PSD3: variants seen among roughly 807,000 people sequenced by gnomAD.
The protein encoded by PSD3 is PH and SEC7 domain-containing protein 3.
PSD3 carries 49 observed loss-of-function variants against 105.5 expected under a neutral mutation model. That is an observed-to-expected ratio of 0.46 (90% CI 0.37 to 0.59). The LOEUF (loss-of-function observed/expected upper bound fraction) is 0.59. Among genes scored for constraint, PSD3 ranks in the 20% least tolerant of loss-of-function variants. The pLI is 0.00. For synonymous variants in PSD3, 557 were observed against 457.8 expected, an observed-to-expected ratio of 1.22 and a Z score of -2.77; for missense variants, 1,561 against 1,263.8, an observed-to-expected ratio of 1.24 and a Z score of -3.57.
At chr8:18,851,043 C>T (rs868721856) in intron 4 of PSD3, among the ~76,000 whole-genome samples, 3 of 152,196 alleles carry the variant, frequency 2.0e-5, no homozygotes, top group African/African-American at 4.8e-5. Flanking sequence ...ACAACTGTTC[C>T]TTGGCCTGCG....
Position 19,068,948 on chromosome 8 carries a change from CCT to C in PSD3, c.324+15256_324+15257del, listed in dbSNP as rs549819632. 2.1e-3 allele frequency among the ~76,000 whole-genome samples: 319 copies of C among 152,084 alleles called. 3 individuals carry two copies. Among genetic ancestry groups the C allele is most frequent in the African/African-American group, 7.3e-3 (303 of 41,480 alleles). The stretch of plus-strand genomic sequence containing the variant: ...GTCCAGCAAGTCCCTTCTACCATGC[CCT>C]GTCACTGTCTTTGGGCTCCCCTCCC... On this transcript the variant is annotated intron_variant, in intron 1 of 1. Coordinates refer to the PSD3 transcript ENST00000521475.
At chr8:18,636,604 T>G (rs1807271973) in intron 10 of PSD3, among the ~76,000 whole-genome samples, 1 of 152,188 alleles carries the variant, frequency 6.6e-6, no homozygotes, top group African/African-American at 2.4e-5. Flanking sequence ...CCAGAGCAAC[T>G]TCCAGTTCTG....
intron 1 of PSD3, among the ~76,000 whole-genome samples, chr8:19,005,083 G>C (rs551510397): frequency 6.6e-6 from 1 of 152,010 alleles, no homozygotes; most frequent in Non-Finnish European, 1.5e-5. Flanking sequence ...AGTCATTAGA[G>C]AAACGAAAAG....
intron 2 of PSD3, among the ~76,000 whole-genome samples, chr8:18,920,945 T>C (rs1215243181): frequency 6.6e-6 from 1 of 152,178 alleles, no homozygotes; most frequent in Non-Finnish European, 1.5e-5. Context: ...TGATAGTGAC[T>C]CCAGAATCTC....
At position 18,627,203 on chromosome 8, in the gene PSD3, A is replaced by G. The variant is rs562707245; in HGVS notation, c.2410+5410T>C. 4.0e-4 allele frequency among the ~76,000 whole-genome samples: 61 copies of G among 152,202 alleles called. 1 individual carries two copies. The highest frequency in any genetic ancestry group is 3.3e-3 in the South Asian group (16 of 4,826). On this transcript the variant is annotated intron_variant, in intron 11 of 15. Coordinates refer to ENST00000327040, the MANE Select transcript of PSD3 (RefSeq NM_015310.4). ...AGAGTCTCGGTTCCAACAGTGGAAG[A>G]GGGTACCTAAACAGAGCCTGTGAGT...
intron 4 of PSD3, among the ~76,000 whole-genome samples, chr8:18,826,344 T>G (rs1813185438): frequency 6.6e-6 from 1 of 152,220 alleles, no homozygotes. Flanking sequence ...TAGCACCTAT[T>G]GATTCAATTT....
At chr8:18,809,043 C>T (rs1811455420) in intron 4 of PSD3, 1 of 865,436 alleles carries the variant, frequency 1.2e-6, no homozygotes, top group Non-Finnish European at 1.6e-6. Context: ...AAACAGTGAG[C>T]CCAGCCTCGT....
chr8:18,737,728 T>A (rs1804259891), intron 9 of PSD3, among the ~76,000 whole-genome samples: 9 of 152,182 alleles, frequency 5.9e-5, no homozygotes, highest in Admixed American at 3.3e-4. Flanking sequence ...TTCCCCAGGG[T>A]ACAGACTGTT....
intron 4 of PSD3, among the ~76,000 whole-genome samples, chr8:18,816,116 G>T (rs938758597): frequency 6.6e-6 from 1 of 151,964 alleles, no homozygotes; most frequent in African/African-American, 2.4e-5. Context: ...GATTAACAGG[G>T]GACGTTTCCA....
chr8:19,068,088 G>A (rs1353175992), intron 1 of PSD3, among the ~76,000 whole-genome samples: 1 of 152,104 alleles, frequency 6.6e-6, no homozygotes, highest in African/African-American at 2.4e-5. Flanking sequence ...ATACAGGACT[G>A]GCTGCACAAT....
At chr8:19,063,782 G>C (rs1476868017) in intron 1 of PSD3, among the ~76,000 whole-genome samples, 1 of 152,082 alleles carries the variant, frequency 6.6e-6, no homozygotes, top group East Asian at 1.9e-4. Flanking sequence ...TAAAATAAGA[G>C]TTGTTTTTTT....
intron 15 of PSD3, among the ~76,000 whole-genome samples, chr8:18,553,495 C>T (rs752053602): frequency 2.6e-5 from 4 of 152,184 alleles, no homozygotes; most frequent in African/African-American, 9.7e-5. Context: ...TAAAATTTCA[C>T]GCATGTTGTC....
At chr8:18,727,817 A>G (rs900427251) in intron 9 of PSD3, among the ~76,000 whole-genome samples, 1 of 152,160 alleles carries the variant, frequency 6.6e-6, no homozygotes, top group Admixed American at 6.5e-5. Flanking sequence ...GCTCTTAAGG[A>G]AAACCATTCA....
At chr8:18,764,508 G>T (rs532081276) in intron 9 of PSD3, among the ~76,000 whole-genome samples, 4 of 151,914 alleles carry the variant, frequency 2.6e-5, no homozygotes, top group Non-Finnish European at 4.4e-5. Flanking sequence ...TAAGAATGTC[G>T]TAATACCACA....
At chr8:18,735,648 A>G (rs1016656812) in intron 9 of PSD3, among the ~76,000 whole-genome samples, 1 of 152,196 alleles carries the variant, frequency 6.6e-6, no homozygotes, top group African/African-American at 2.4e-5. Flanking sequence ...TAAGCCTTAC[A>G]TAAAAAGCTT....
At chr8:18,847,863 C>T (rs1266159160) in intron 4 of PSD3, among the ~76,000 whole-genome samples, 1 of 152,146 alleles carries the variant, frequency 6.6e-6, no homozygotes, top group Non-Finnish European at 1.5e-5. Context: ...AACTTAAAGT[C>T]CTCCTCCATG....
Position 18,992,666 on chromosome 8 carries a change from TGAA to T in PSD3, c.21+20894_21+20896del, listed in dbSNP as rs1226625564. 2.0e-5 allele frequency among the ~76,000 whole-genome samples: 3 copies of T among 152,336 alleles called. No homozygotes were observed. The South Asian group carries it at 6.2e-4, about 32-fold the overall frequency. ...TCAGGCTACTTCATTTTGTTAACTC[TGAA>T]GAAGATTCAACAGGACCTTTAAAAA... On this transcript the variant is annotated intron_variant, in intron 1 of 15. Coordinates refer to ENST00000327040, the MANE Select transcript of PSD3 (RefSeq NM_015310.4).
intron 3 of PSD3, 82 bp from the exon 4 acceptor site, chr8:18,868,151 AC>A: frequency 7.2e-7 from 1 of 1,390,974 alleles, no homozygotes; most frequent in Non-Finnish European, 9.8e-7. Context: ...AAAAAGGACA[AC>A]ATTCTGAAGA....
intron 1 of PSD3, among the ~76,000 whole-genome samples, chr8:19,037,882 T>A (rs1415886270): frequency 6.6e-6 from 1 of 150,928 alleles, no homozygotes; most frequent in African/African-American, 2.4e-5. Flanking sequence ...ATTCCCATAA[T>A]AAATCTCTCT....
Sources: gnomAD v4.1 joint callset for allele counts (sites outside exome capture counted in the v4.1 genomes callset) on GRCh38, gnomAD v4.1.1 for gene constraint, MANE v1.5 for transcripts, NCBI Gene and HGNC (gene_info 2026-07-23, HGNC 2026-07-21) for gene names.